Variants in MKRN1 observed in about 807,000 individuals in gnomAD.
The protein encoded by MKRN1 is E3 ubiquitin-protein ligase makorin-1.
MKRN1 carries 9 observed loss-of-function variants against 55.5 expected under a neutral mutation model. The ratio of observed to expected loss-of-function variants is 0.16; its 90% CI spans 0.10 to 0.28. MKRN1 has a LOEUF of 0.28. MKRN1 is among the 10% of genes least tolerant of loss of function. MKRN1 has a pLI of 1.00. For missense variants in MKRN1, 488 were observed against 626.7 expected, an observed-to-expected ratio of 0.78 and a Z score of 2.36; for synonymous variants, 253 against 235.9, an observed-to-expected ratio of 1.07 and a Z score of -0.66.
At chr7:140,472,893 G>A (rs1393494356) in intron 1 of MKRN1, among the ~76,000 whole-genome samples, 4 of 151,376 alleles carry the variant, frequency 2.6e-5, no homozygotes, top group African/African-American at 9.7e-5. Flanking sequence ...CAAGGCGGAT[G>A]GATCACGAGG....
At chr7:140,467,594 CCATCTG>C (rs1794810150) in intron 2 of MKRN1, among the ~76,000 whole-genome samples, 1 of 152,104 alleles carries the variant, frequency 6.6e-6, no homozygotes, top group South Asian at 2.1e-4. Context: ...CAACTTGGAG[CCATCTG>C]CATCTGCCTC....
At chr7:140,472,792 A>C (rs1209841449) in intron 1 of MKRN1, among the ~76,000 whole-genome samples, 3 of 151,778 alleles carry the variant, frequency 2.0e-5, no homozygotes, top group African/African-American at 7.3e-5. Context: ...TACGCCTTAG[A>C]TTATGAAAAC....
At chr7:140,475,038 C>G (rs1243341624) in intron 1 of MKRN1, among the ~76,000 whole-genome samples, 4 of 151,718 alleles carry the variant, frequency 2.6e-5, no homozygotes, top group Admixed American at 6.6e-5. Context: ...GTTACGTTAA[C>G]CACATTTTTA....
At chr7:140,468,967 T>C (rs1173744893) in intron 2 of MKRN1, among the ~76,000 whole-genome samples, 2 of 152,122 alleles carry the variant, frequency 1.3e-5, no homozygotes, top group African/African-American at 4.8e-5. Flanking sequence ...ACACCATCAA[T>C]AATGTCAGGT....
intron 1 of MKRN1, 148 bp downstream of exon 1, chr7:140,479,012 G>A (rs1795208262): frequency 2.0e-6 from 2 of 998,838 alleles, no homozygotes; most frequent in Non-Finnish European, 1.3e-6. Context: ...GGCAGCGGGG[G>A]CCGCGAGGGC....
chr7:140,475,285 G>A (rs1422406574), intron 1 of MKRN1: 1 of 424,580 alleles, frequency 2.4e-6, no homozygotes, highest in African/African-American at 2.1e-5. Context: ...AGAGGTTGTA[G>A]TGAGCCGAGA....
intron 1 of MKRN1, among the ~76,000 whole-genome samples, chr7:140,476,550 T>G (rs533427309): frequency 1.1e-3 from 161 of 150,882 alleles, no homozygotes; most frequent in Non-Finnish European, 1.6e-3. Flanking sequence ...GTTTTGTTTT[T>G]TTTTTTTTTA....
At chr7:140,471,117 T>C (rs375494370) in intron 2 of MKRN1, among the ~76,000 whole-genome samples, 50 of 152,258 alleles carry the variant, frequency 3.3e-4, no homozygotes, top group African/African-American at 1.1e-3. Context: ...TTTCTGGGGC[T>C]CATGCTTGTA....
chr7:140,461,368 T>G (rs557666952), intron 2 of MKRN1, among the ~76,000 whole-genome samples: 1 of 152,238 alleles, frequency 6.6e-6, no homozygotes, highest in Admixed American at 6.5e-5. Flanking sequence ...TCTGGCCTGG[T>G]GCGGTGGCTC....
intron 2 of MKRN1, among the ~76,000 whole-genome samples, chr7:140,462,726 A>T (rs1224476590): frequency 6.6e-6 from 1 of 152,136 alleles, no homozygotes; most frequent in African/African-American, 2.4e-5. Context: ...GCATTTTGGG[A>T]GGCTGAGGTG....
At chr7:140,455,062 T>C (rs763685470) in intron 7 of MKRN1, 33 bp downstream of exon 7, 1 of 1,611,198 alleles carries the variant, frequency 6.2e-7, no homozygotes, top group Non-Finnish European at 8.5e-7. Flanking sequence ...TACCTTGGAA[T>C]TTCCCCTCCT....
intron 7 of MKRN1, 44 bp downstream of exon 7, chr7:140,455,051 A>G: frequency 6.2e-7 from 1 of 1,609,098 alleles, no homozygotes; most frequent in Non-Finnish European, 8.5e-7. Context: ...GACTCAACTG[A>G]TACCTTGGAA....
In MKRN1 at chr7:140,479,500, G is replaced by T; in HGVS notation, c.-156C>A. The T allele has an allele frequency of 2.6e-6, 2 of 778,046 alleles. No homozygotes were observed. The highest frequency in any genetic ancestry group is 3.5e-6 in the Non-Finnish European group (2 of 568,954). 48.2% of individuals were successfully genotyped at this position (778,046 alleles called of 1,614,324 possible). A position where few individuals can be genotyped will look rare whatever the true frequency, so the allele number is the denominator to read the frequency against. On this transcript the variant is annotated 5_prime_UTR_variant, in exon 1 of 8. Coordinates refer to ENST00000255977, the MANE Select transcript of MKRN1 (RefSeq NM_013446.4). ...CCTGCTACGCGTCGCGTATCTGAGC[G>T]CTCTCGCCACTTCAACTGCGGGCCC...
intron 1 of MKRN1, among the ~76,000 whole-genome samples, chr7:140,476,131 T>C (rs970808878): frequency 1.3e-5 from 2 of 152,152 alleles, no homozygotes; most frequent in Admixed American, 1.3e-4. Context: ...TGATGTGCTA[T>C]AGGGAGAAAT....
In MKRN1 at chr7:140,455,855, A is replaced by C. The variant is rs1489664552; in HGVS notation, c.1032T>G (p.Ser344Arg). ...CRITSNFVIP[S>R]EYWVEEKEEK... is the part of the protein sequence containing the mutation. The stretch of plus-strand genomic sequence containing the variant: ...CTTCTTTCTCCTCCACCCAGTACTC[A>C]CTTGGAATGACAAAGTTAGATGTGA... Residue 344 changes from serine to arginine, a missense_variant, in exon 6 of 8, where the codon AGT (serine) becomes AGG (arginine). This residue lies in a region of MKRN1 where 278 missense variants were observed against 406.7 expected (regional missense o/e 0.68). Transcript: ENST00000255977. The C allele has an allele frequency of 6.2e-7, 1 of 1,614,078 alleles. No homozygotes were observed. Among genetic ancestry groups the C allele is most frequent in the Non-Finnish European group, 8.5e-7 (1 of 1,179,998 alleles).
intron 1 of MKRN1, among the ~76,000 whole-genome samples, chr7:140,476,345 G>A (rs530665762): frequency 1.5e-3 from 228 of 151,670 alleles, no homozygotes; most frequent in South Asian, 3.5e-3. Context: ...ACATGTGGCC[G>A]GGCGTAATCC....
rs774158417 is a variant in MKRN1 at position 140,457,623 on chromosome 7, G to A, written c.772-757C>T. On this transcript the variant is annotated intron_variant, in intron 4 of 7. Coordinates refer to ENST00000255977, the MANE Select transcript of MKRN1 (RefSeq NM_013446.4). ...TGCATGCCTGTAGTCCCAGCTATTC[G>A]GGAGGCAGAGGCTGCAGTGAGCCGA... Among the ~76,000 whole-genome samples the A allele has an allele frequency of 3.3e-5, 5 of 151,970 alleles. No individual in the cohort carries two copies. The South Asian group carries it at 8.3e-4, about 25-fold the overall frequency.
chr7:140,472,018 G>A lies in MKRN1; in HGVS notation c.186-7C>T, dbSNP rs1794943125. ...AACCCCATGCATAAAATACCTGTGA[G>A]ACGAAAGACCACAAAACTGGATTAA... On this transcript the variant is annotated splice_region_variant and splice_polypyrimidine_tract_variant and intron_variant, in intron 1 of 7. Transcript: ENST00000255977. 1.9e-6 allele frequency: 3 copies of A among 1,613,746 alleles called. No homozygotes were observed. The East Asian group carries it at 6.7e-5, about 36-fold the overall frequency.
chr7:140,454,828 C>A, intron 7 of MKRN1, 99 bp from the exon 8 acceptor site: 3 of 1,263,940 alleles, frequency 2.4e-6, no homozygotes, highest in Non-Finnish European at 3.4e-6. Context: ...GAGGGCATGA[C>A]GAACCAGACT....
Sources: allele counts gnomAD v4.1 joint callset (sites outside exome capture counted in the v4.1 genomes callset), GRCh38; gene constraint gnomAD v4.1.1; regional missense constraint gnomAD v4.1.1; transcripts MANE v1.5; gene names NCBI Gene and HGNC (gene_info 2026-07-23, HGNC 2026-07-21).